Variants in PGM3 observed in about 807,000 individuals in gnomAD.
The protein encoded by PGM3 is phosphoacetylglucosamine mutase.
A neutral mutation model predicts 66.2 loss-of-function variants in PGM3; 40 were observed. The observed-to-expected ratio is 0.60, with a 90% CI of 0.47 to 0.79. The LOEUF (loss-of-function observed/expected upper bound fraction) is 0.79, where lower values mean the gene tolerates loss of function less well. Ranked by LOEUF, PGM3 falls within the 30% of genes least tolerant of loss-of-function variation. PGM3 has a pLI of 0.00. For synonymous variants in PGM3, 191 were observed against 224.2 expected (o/e 0.85, Z 1.32); for missense variants, 537 against 643.4 (o/e 0.83, Z 1.79).
At chr6:83,193,664 A>G (rs1427493000), upstream of PGM3, among the ~76,000 whole-genome samples, 1 of 152,072 alleles carries the variant, frequency 6.6e-6, no homozygotes, top group African/African-American at 2.4e-5. Context: ...GCCCACAGTG[A>G]GCGCCGCCGG....
At chr6:83,188,472 A>G (rs561611063) in intron 3 of PGM3, 142 bp downstream of exon 3, 1 of 641,310 alleles carries the variant, frequency 1.6e-6, no homozygotes, top group African/African-American at 1.8e-5. Flanking sequence ...ACTACATCCT[A>G]CTAGAAAGGC....
At chr6:83,157,091 C>A, downstream of PGM3, 1 of 1,278,350 alleles carries the variant, frequency 7.8e-7, no homozygotes, top group Non-Finnish European at 1.1e-6. Flanking sequence ...TCCTTTACTA[C>A]AGATAGTTTG....
At chr6:83,150,853 G>C in the PGM3 span, among the ~76,000 whole-genome samples, 2 of 152,018 alleles carry the variant, frequency 1.3e-5, no homozygotes, top group East Asian at 3.9e-4. Flanking sequence ...CAAATAATTA[G>C]TACACAACTC....
chr6:83,187,067 C>G lies in PGM3; in HGVS notation c.398G>C (p.Ser133Thr), dbSNP rs1788638412. The change falls in exon 4 of 13, where the codon AGT becomes ACT. Residue 133 changes from serine to threonine, a missense_variant. By Grantham distance (58) the Ser-to-Thr change is moderately conservative. Transcript: ENST00000513973. Reference sequence around the variant, plus strand: ...TATTACAGATTGTGAAAGTTTCTCACTGCTGGGCCTAGGAAAGAAAAGGAA... The same window carrying G: ...TATTACAGATTGTGAAAGTTTCTCAGTGCTGGGCCTAGGAAAGAAAAGGAA... ...VVIGRDTRPS[S>T]EKLSQSVIDG... is the part of the protein sequence containing the mutation. 1 of 1,598,500 alleles carries G rather than the reference C, an allele frequency of 6.3e-7. No individual in the cohort carries two copies. The highest frequency in any genetic ancestry group is 1.3e-5 in the African/African-American group (1 of 74,636).
chr6:83,162,888 G>A (rs750025649), downstream of PGM3: 1 of 1,612,926 alleles, frequency 6.2e-7, no homozygotes, highest in African/African-American at 1.3e-5. Flanking sequence ...TACGTGGTAC[G>A]ACTAGCAAAA....
In PGM3 at chr6:83,167,336, C is replaced by T. The variant is rs978187413; in HGVS notation, c.*1898G>A. ...TCTCCTGAGGGATCCCTTCCTTTCT[C>T]TGTGATGCAGTACTGACAGTAATTA... On this transcript the variant is annotated 3_prime_UTR_variant, in exon 13 of 13. Coordinates refer to ENST00000513973, the MANE Select transcript of PGM3 (RefSeq NM_015599.3). 6.1e-6 allele frequency: 6 copies of T among 985,394 alleles called. No homozygotes were observed. Among genetic ancestry groups the T allele is most frequent in the Non-Finnish European group, 7.2e-6 (6 of 830,008 alleles). 61.0% of individuals were successfully genotyped at this position (985,394 alleles called of 1,614,324 possible). A position where few individuals can be genotyped will look rare whatever the true frequency, so the allele number is the denominator to read the frequency against.
At chr6:83,172,626 T>C (rs1396039093) in intron 10 of PGM3, among the ~76,000 whole-genome samples, 1 of 151,948 alleles carries the variant, frequency 6.6e-6, no homozygotes, top group African/African-American at 2.4e-5. Flanking sequence ...GCCACTGCAC[T>C]CCAGCGTGGG....
In PGM3 at chr6:83,190,998, A is replaced by T. The variant is rs760537659; in HGVS notation, c.15T>A (p.Ala5=). 6.2e-7 allele frequency: 1 copy of T among 1,613,146 alleles called. No homozygotes were observed. The highest frequency in any genetic ancestry group is 1.3e-5 in the African/African-American group (1 of 75,042). ...CGTGTAATGCTGAGTATTTTGTAAT[A>T]GCACCTAAATCCATGTCTACAAAAT... MDLG[A]ITKYSALHAK... The change falls in exon 2 of 13, where the codon GCT becomes GCA. Residue 5 remains alanine (A), a synonymous_variant. Coordinates refer to ENST00000513973, the MANE Select transcript of PGM3 (RefSeq NM_015599.3).
rs767728867 is a variant in PGM3 at position 83,167,828 on chromosome 6, G to A, written c.*1406C>T. 2 of 1,572,278 alleles carry A rather than the reference G, an allele frequency of 1.3e-6. No individual in the cohort carries two copies. Among genetic ancestry groups the A allele is most frequent in the African/African-American group, 2.7e-5 (2 of 73,230 alleles). ...TTTCTAACATACCACATTGTCTGTT[G>A]TATTAATACCAGTTCACTTTTTGTT... On this transcript the variant is annotated 3_prime_UTR_variant, in exon 13 of 13. Coordinates refer to ENST00000513973, the MANE Select transcript of PGM3 (RefSeq NM_015599.3).
chr6:83,188,407 AG>A, intron 3 of PGM3: 3 of 467,596 alleles, frequency 6.4e-6, no homozygotes, highest in Admixed American at 7.1e-5. Context: ...GTTTTGGAGT[AG>A]GGTTTTAAAC....
At chr6:83,172,907 A>T (rs2128486673) in intron 10 of PGM3, among the ~76,000 whole-genome samples, 1 of 152,376 alleles carries the variant, frequency 6.6e-6, no homozygotes, top group Non-Finnish European at 1.5e-5. Flanking sequence ...GTGATGCCAG[A>T]CAACCACAGA....
At chr6:83,169,653 C>T in intron 12 of PGM3, 1 of 468,576 alleles carries the variant, frequency 2.1e-6, no homozygotes, top group Non-Finnish European at 4.2e-6. Flanking sequence ...CCTCTGTTGC[C>T]ATCTCCTCAT....
intron 2 of PGM3, chr6:83,190,521 C>A: frequency 2.6e-6 from 1 of 383,226 alleles, no homozygotes; most frequent in Non-Finnish European, 4.7e-6. Flanking sequence ...AAACAATTTT[C>A]AATTACTGAA....
At chr6:83,162,351 T>C (rs1433289312), downstream of PGM3, among the ~76,000 whole-genome samples, 1 of 152,164 alleles carries the variant, frequency 6.6e-6, no homozygotes, top group East Asian at 1.9e-4. Flanking sequence ...TTTACTCCTT[T>C]ACTATGCAAC....
At chr6:83,184,436 AATACAAAT>A (rs914057176) in intron 4 of PGM3, among the ~76,000 whole-genome samples, 15 of 152,354 alleles carry the variant, frequency 9.8e-5, no homozygotes, top group African/African-American at 3.6e-4. Context: ...AAGCTCAAAA[AATACAAAT>A]AAGAGCTTAG....
At chr6:83,156,588 A>T (rs2128374293), downstream of PGM3, among the ~76,000 whole-genome samples, 1 of 152,290 alleles carries the variant, frequency 6.6e-6, no homozygotes, top group East Asian at 1.9e-4. Context: ...GGATATCAGT[A>T]CACGTGTCAT....
At chr6:83,158,748 A>G (rs1783450991), downstream of PGM3, 2 of 696,438 alleles carry the variant, frequency 2.9e-6, no homozygotes, top group Middle Eastern at 4.0e-4. Context: ...CTAATTGATT[A>G]CGTTTGGATA....
chr6:83,157,088 C>A, downstream of PGM3: 1 of 1,259,700 alleles, frequency 7.9e-7, no homozygotes, highest in Non-Finnish European at 1.1e-6. Context: ...TTATCCTTTA[C>A]TACAGATAGT....
At chr6:83,187,545 G>C (rs1239391567) in intron 3 of PGM3, among the ~76,000 whole-genome samples, 4 of 152,194 alleles carry the variant, frequency 2.6e-5, no homozygotes, top group Non-Finnish European at 5.9e-5. Flanking sequence ...CAGGCACAGT[G>C]GCTCACACCT....
Sources: gnomAD v4.1 joint callset for allele counts (sites outside exome capture counted in the v4.1 genomes callset) on GRCh38, gnomAD v4.1.1 for gene constraint, MANE v1.5 for transcripts, NCBI Gene and HGNC (gene_info 2026-07-23, HGNC 2026-07-21) for gene names.